Variants in ZFAND1 observed in about 807,000 individuals in gnomAD.
ZFAND1 encodes zinc finger AN1-type containing 1, also known as AN1-type zinc finger protein 1.
ZFAND1 carries 40 observed loss-of-function variants against 38.5 expected under a neutral mutation model. That is an observed-to-expected ratio of 1.04 (90% CI 0.81 to 1.35). The LOEUF (loss-of-function observed/expected upper bound fraction) is 1.35. Ranked by LOEUF, ZFAND1 falls within the 40% of genes most tolerant of loss-of-function variation. The pLI is 0.00. For missense variants in ZFAND1, 346 were observed against 316.3 expected (o/e 1.09, Z -0.71); for synonymous variants, 117 against 103.6 (o/e 1.13, Z -0.78).
intron 2 of ZFAND1, among the ~76,000 whole-genome samples, chr8:81,717,583 A>G (rs1358671548): frequency 6.6e-6 from 1 of 152,186 alleles, no homozygotes; most frequent in Non-Finnish European, 1.5e-5. Context: ...TTTCTAAAAG[A>G]TCATCAGTAG....
At chr8:81,712,054 C>T (rs1468452266) in intron 6 of ZFAND1, among the ~76,000 whole-genome samples, 1 of 151,954 alleles carries the variant, frequency 6.6e-6, no homozygotes, top group Admixed American at 6.6e-5. Flanking sequence ...GAATTATATA[C>T]CAGAGTCAGT....
In ZFAND1 at chr8:81,702,714, A is replaced by G; in HGVS notation, c.788T>C (p.Val263Ala). 1 of 1,550,262 alleles carries G rather than the reference A, an allele frequency of 6.5e-7. No individual in the cohort carries two copies. Among genetic ancestry groups the G allele is most frequent in the East Asian group, 2.4e-5 (1 of 42,012 alleles). Residue 263 changes from valine to alanine, a missense_variant, in exon 8 of 8, where the codon GTT becomes GCT. By Grantham distance (64) the Val-to-Ala change is moderately conservative (BLOSUM62 0). Coordinates refer to ENST00000220669, the MANE Select transcript of ZFAND1 (RefSeq NM_024699.3). Reference sequence around the variant, plus strand: ...GAATGACTATTCCAAGTAAGATTCAACATTTTTACAGAATTGTTCTTCATC... The same window carrying G: ...GAATGACTATTCCAAGTAAGATTCAGCATTTTTACAGAATTGTTCTTCATC... ...LNDEEQFCKN[V>A]ESYLE
intron 3 of ZFAND1, 125 bp from the exon 4 acceptor site, chr8:81,715,239 C>A: frequency 2.2e-6 from 2 of 907,986 alleles, no homozygotes; most frequent in Non-Finnish European, 3.3e-6. Flanking sequence ...TACTTACTCT[C>A]AAAGATTATA....
At chr8:81,708,149 C>T (rs940442057) in intron 6 of ZFAND1, among the ~76,000 whole-genome samples, 3 of 150,296 alleles carry the variant, frequency 2.0e-5, no homozygotes, top group Admixed American at 6.7e-5. Flanking sequence ...ACTCAGGAGG[C>T]TGAGGCAGGA....
intron 6 of ZFAND1, 109 bp downstream of exon 6, chr8:81,713,809 T>C: frequency 9.1e-7 from 1 of 1,099,696 alleles, no homozygotes; most frequent in Non-Finnish European, 1.3e-6. Flanking sequence ...ACATTAAGAA[T>C]GATACATACC....
At chr8:81,713,616 C>T (rs575244721) in intron 6 of ZFAND1, among the ~76,000 whole-genome samples, 2 of 151,114 alleles carry the variant, frequency 1.3e-5, no homozygotes, top group South Asian at 4.2e-4. Context: ...TTTATAATAG[C>T]AAAAAATTGA....
chr8:81,704,857 G>A (rs1807927389), intron 6 of ZFAND1, among the ~76,000 whole-genome samples: 1 of 152,096 alleles, frequency 6.6e-6, no homozygotes, highest in African/African-American at 2.4e-5. Flanking sequence ...AATTCAAACT[G>A]TGAGCCACCT....
chr8:81,711,001 A>G (rs1808125051), intron 6 of ZFAND1, among the ~76,000 whole-genome samples: 1 of 152,238 alleles, frequency 6.6e-6, no homozygotes, highest in Non-Finnish European at 1.5e-5. Context: ...AATTGGTACA[A>G]TTGGGTAAAG....
chr8:81,711,822 T>A (rs1019968028), intron 6 of ZFAND1, among the ~76,000 whole-genome samples: 8 of 152,152 alleles, frequency 5.3e-5, no homozygotes, highest in African/African-American at 1.7e-4. Context: ...ATTATCCAGA[T>A]AAAGCAAGAA....
intron 1 of ZFAND1, among the ~76,000 whole-genome samples, chr8:81,720,496 G>A (rs1012604554): frequency 6.6e-6 from 1 of 152,196 alleles, no homozygotes; most frequent in African/African-American, 2.4e-5. Flanking sequence ...TGACAGAGCT[G>A]GGAGAGCATG....
At chr8:81,714,120 C>T in intron 5 of ZFAND1, 81 bp from the exon 6 acceptor site, 1 of 1,303,080 alleles carries the variant, frequency 7.7e-7, no homozygotes, top group African/African-American at 1.5e-5. Flanking sequence ...TTAATTATGG[C>T]TCAGAAACAT....
Position 81,718,205 on chromosome 8 carries a change from A to C in ZFAND1, c.75T>G (p.Cys25Trp), listed in dbSNP as rs774826474. ...ACCAAAATATTCCTGAACAATCATC[A>C]CACACAAATGGAAGAAAATCTAAAA... ...CRQRDFLPFV[C>W]DDCSGIFCLE... The change falls in exon 2 of 8, where the codon TGT becomes TGG. Residue 25 changes from cysteine to tryptophan, a missense_variant. Physicochemically the swap from Cys to Trp is radical, Grantham distance 215 (BLOSUM62 -2). Coordinates refer to ENST00000220669, the MANE Select transcript of ZFAND1 (RefSeq NM_024699.3). 21 of 1,573,872 alleles carry C rather than the reference A, an allele frequency of 1.3e-5. No homozygotes were observed. Among genetic ancestry groups the C allele is most frequent in the Non-Finnish European group, 1.7e-5 (20 of 1,159,724 alleles).
intron 6 of ZFAND1, among the ~76,000 whole-genome samples, chr8:81,706,391 A>AAAAAAAAAAAAAAAAAT (rs1419987259): frequency 6.7e-6 from 1 of 149,352 alleles, no homozygotes; most frequent in Non-Finnish European, 1.5e-5. Context: ...AAAAAAAAAA[A>AAAAAAAAAAAAAAAAAT]AAAGAAGTGT....
At position 81,721,221 on chromosome 8, in the gene ZFAND1, G is replaced by C; in HGVS notation, c.55+6C>G. The C allele has an allele frequency of 2.6e-6, 4 of 1,547,950 alleles. No homozygotes were observed. In the South Asian group the frequency reaches 3.6e-5, roughly 14 times the overall value. On this transcript the variant is annotated splice_donor_region_variant and intron_variant, in intron 1 of 7. Coordinates refer to ENST00000220669, the MANE Select transcript of ZFAND1 (RefSeq NM_024699.3). ...CGGGGATGGGGGCTGGAAGCTCCCGGATCACCTCGCTGCCGGCAATGCTCC... is the reference window on the plus strand; with the variant it reads ...CGGGGATGGGGGCTGGAAGCTCCCGCATCACCTCGCTGCCGGCAATGCTCC...
chr8:81,702,906 T>A, intron 7 of ZFAND1, 41 bp from the exon 8 acceptor site: 2 of 1,543,686 alleles, frequency 1.3e-6, no homozygotes, highest in Non-Finnish European at 1.7e-6. Flanking sequence ...TAAATAAACA[T>A]GCTTGAATGG....
chr8:81,705,780 G>A (rs1585920150), intron 6 of ZFAND1, among the ~76,000 whole-genome samples: 1 of 152,296 alleles, frequency 6.6e-6, no homozygotes, highest in Admixed American at 6.5e-5. Context: ...TTAGCCAGGT[G>A]TGGGGGCACG....
chr8:81,705,533 A>G lies in ZFAND1; in HGVS notation c.481-2409T>C, dbSNP rs374234674. 2.8e-4 allele frequency among the ~76,000 whole-genome samples: 43 copies of G among 152,372 alleles called. No homozygotes were observed. In the East Asian group the frequency reaches 7.3e-3, roughly 26 times the overall value. ...GTAAAACATTCAAAATTTATTATAG[A>G]TAAGTTTCTATAATCCTCAATAAAA... On this transcript the variant is annotated intron_variant, in intron 6 of 7. Coordinates refer to ENST00000220669, the MANE Select transcript of ZFAND1 (RefSeq NM_024699.3).
chr8:81,706,927 A>G (rs1416452045), intron 6 of ZFAND1, among the ~76,000 whole-genome samples: 2 of 152,218 alleles, frequency 1.3e-5, no homozygotes, highest in African/African-American at 4.8e-5. Context: ...TAAGGAATAC[A>G]ATATAAAAGA....
intron 3 of ZFAND1, 97 bp from the exon 4 acceptor site, chr8:81,715,211 A>C: frequency 1.5e-6 from 2 of 1,364,484 alleles, no homozygotes; most frequent in Non-Finnish European, 2.0e-6. Context: ...ATTTTTGCTT[A>C]AACTTATTAG....
Sources: gnomAD v4.1 joint callset for allele counts (sites outside exome capture counted in the v4.1 genomes callset) on GRCh38, gnomAD v4.1.1 for gene constraint, MANE v1.5 for transcripts, NCBI Gene and HGNC (gene_info 2026-07-23, HGNC 2026-07-21) for gene names.